Variants in SEMA3C observed in about 807,000 individuals in gnomAD.
The protein encoded by SEMA3C is semaphorin-3C.
Under a neutral mutation model 89.4 loss-of-function variants are expected in SEMA3C, and 47 were observed. That is an observed-to-expected ratio of 0.53 (90% CI 0.42 to 0.67). The LOEUF is 0.67. Ranked by LOEUF, SEMA3C falls within the 30% of genes least tolerant of loss-of-function variation. SEMA3C has a pLI of 0.00. For missense variants in SEMA3C, 839 were observed against 929.1 expected (o/e 0.90, Z 1.26); for synonymous variants, 310 against 320.2 (o/e 0.97, Z 0.34).
intron 2 of SEMA3C, among the ~76,000 whole-genome samples, chr7:80,878,214 C>A (rs1791246116): frequency 1.3e-5 from 2 of 152,058 alleles, no homozygotes; most frequent in African/African-American, 4.8e-5. Context: ...CCCATCTCTA[C>A]TAAAAATACA....
At chr7:80,859,928 T>A (rs541505517) in intron 2 of SEMA3C, among the ~76,000 whole-genome samples, 73 of 151,902 alleles carry the variant, frequency 4.8e-4, no homozygotes, top group African/African-American at 1.2e-3. Flanking sequence ...TTTTTTTTTT[T>A]AAAATAATCG....
chr7:80,803,730 G>A (rs1287255022), intron 8 of SEMA3C, among the ~76,000 whole-genome samples: 1 of 151,942 alleles, frequency 6.6e-6, no homozygotes, highest in Non-Finnish European at 1.5e-5. Flanking sequence ...ACAACAATCA[G>A]TTTCTTTAGG....
rs540213279 is a variant in SEMA3C, at chr7:80,772,697, TG to T, written c.1355-7455del. Among the ~76,000 whole-genome samples the T allele has an allele frequency of 7.6e-3, 1,144 of 151,082 alleles. 13 individuals are homozygous for T. Among genetic ancestry groups the T allele is most frequent in the African/African-American group, 0.026 (1,067 of 40,542 alleles). On this transcript the variant is annotated intron_variant, in intron 12 of 17. Transcript: ENST00000265361. The stretch of plus-strand genomic sequence containing the variant: ...GTACTGGGTTAAACTAGGTTAAACA[TG>T]TTTTTTTTTTTGTTTGTTTTATTTT...
intron 2 of SEMA3C, among the ~76,000 whole-genome samples, chr7:80,851,369 G>T (rs1258787108): frequency 6.6e-6 from 1 of 151,490 alleles, no homozygotes; most frequent in East Asian, 1.9e-4. Flanking sequence ...GCCAGGCGTG[G>T]GGCAGGCACC....
At chr7:80,866,727 T>TA (rs1299733064) in intron 2 of SEMA3C, among the ~76,000 whole-genome samples, 2 of 152,134 alleles carry the variant, frequency 1.3e-5, no homozygotes, top group East Asian at 3.8e-4. Flanking sequence ...ATAGTAATTT[T>TA]AAAAAAATCA....
At chr7:80,838,305 A>T (rs1326066808) in intron 2 of SEMA3C, among the ~76,000 whole-genome samples, 1 of 152,154 alleles carries the variant, frequency 6.6e-6, no homozygotes, top group Non-Finnish European at 1.5e-5. Flanking sequence ...AAAAAGAATG[A>T]GAATATTTTG....
chr7:80,813,625 T>TGCTTTGGATTTCATC (rs1789525241), intron 5 of SEMA3C, among the ~76,000 whole-genome samples: 1 of 152,244 alleles, frequency 6.6e-6, no homozygotes, highest in African/African-American at 2.4e-5. Flanking sequence ...TGGATTTCAT[T>TGCTTTGGATTTCATC]GCTTTGGATT....
chr7:80,894,870 CAAGT>C (rs754383570), intron 2 of SEMA3C, among the ~76,000 whole-genome samples: 19 of 152,114 alleles, frequency 1.2e-4, no homozygotes, highest in Non-Finnish European at 7.4e-5. Flanking sequence ...CATGGATGCA[CAAGT>C]AATAAGTATA....
intron 5 of SEMA3C, among the ~76,000 whole-genome samples, chr7:80,817,557 C>T (rs958930890): frequency 6.6e-6 from 1 of 152,020 alleles, no homozygotes; most frequent in African/African-American, 2.4e-5. Context: ...CAGCTGTGGA[C>T]TGGGATAACA....
intron 2 of SEMA3C, among the ~76,000 whole-genome samples, chr7:80,889,165 G>A (rs1487548656): frequency 6.6e-6 from 1 of 152,078 alleles, no homozygotes; most frequent in African/African-American, 2.4e-5. Context: ...GCTCGGCCAT[G>A]TTTTGAATTT....
chr7:80,825,619 T>C (rs12155128), intron 4 of SEMA3C, among the ~76,000 whole-genome samples: 9,388 of 152,214 alleles, frequency 0.062, 379 homozygotes, highest in Non-Finnish European at 0.098. Flanking sequence ...TTTTTGGAAA[T>C]AGAATGTACA....
intron 2 of SEMA3C, among the ~76,000 whole-genome samples, chr7:80,896,454 C>A (rs963528749): frequency 1.3e-5 from 2 of 152,106 alleles, no homozygotes; most frequent in African/African-American, 2.4e-5. Flanking sequence ...AAAGTTATAT[C>A]TCAGATTACC....
chr7:80,903,787 T>G (rs1382542355), intron 2 of SEMA3C, among the ~76,000 whole-genome samples: 1 of 151,836 alleles, frequency 6.6e-6, no homozygotes, highest in East Asian at 1.9e-4. Context: ...TTTAAAAGGC[T>G]AAAAAAAATG....
intron 11 of SEMA3C, among the ~76,000 whole-genome samples, chr7:80,797,143 A>T (rs1177503181): frequency 6.6e-6 from 1 of 152,156 alleles, no homozygotes; most frequent in Non-Finnish European, 1.5e-5. Context: ...TCCATTTTAT[A>T]ATTATAGCCC....
intron 11 of SEMA3C, among the ~76,000 whole-genome samples, chr7:80,789,871 T>C (rs572001048): frequency 3.8e-4 from 58 of 152,330 alleles, no homozygotes; most frequent in Middle Eastern, 3.4e-3. Context: ...CAAAAACTAG[T>C]GGACACAATC....
chr7:80,769,718 G>T (rs1788382936), intron 12 of SEMA3C, among the ~76,000 whole-genome samples: 1 of 151,904 alleles, frequency 6.6e-6, no homozygotes, highest in African/African-American at 2.4e-5. Context: ...AATTAGCTGG[G>T]CATGGGGGCA....
intron 2 of SEMA3C, among the ~76,000 whole-genome samples, chr7:80,848,087 G>T (rs1790431766): frequency 6.6e-6 from 1 of 152,140 alleles, no homozygotes; most frequent in African/African-American, 2.4e-5. Flanking sequence ...CTCAGAGTTA[G>T]TTACGCAATT....
rs769332201 is a variant in SEMA3C, at chr7:80,745,161, A to G, written c.1989T>C (p.Asp663=). Residue 663 remains aspartate, a synonymous_variant, in exon 18 of 18, where the codon GAT becomes GAC. Coordinates refer to ENST00000265361, the MANE Select transcript of SEMA3C (RefSeq NM_006379.5). ...CCGTCACAACAGCCACCATTTCTGA[A>G]TCTAAAACTTTGAAGTTGATCTTGG... is the stretch of plus-strand genomic sequence containing the variant. ...TIAKINFKVL[D]SEMVAVVTDK... is the part of the protein sequence containing the mutation. 2.2e-5 allele frequency: 35 copies of G among 1,613,888 alleles called. No individual in the cohort carries two copies. The highest frequency in any genetic ancestry group is 3.0e-5 in the Non-Finnish European group (35 of 1,179,980).
intron 11 of SEMA3C, among the ~76,000 whole-genome samples, chr7:80,791,295 T>C (rs766468344): frequency 6.6e-6 from 1 of 152,168 alleles, no homozygotes. Flanking sequence ...TGTTAAGTTA[T>C]ATGAGAAAAA....
Sources: gnomAD v4.1 joint callset for allele counts (sites outside exome capture counted in the v4.1 genomes callset) on GRCh38, gnomAD v4.1.1 for gene constraint, MANE v1.5 for transcripts, NCBI Gene and HGNC (gene_info 2026-07-23, HGNC 2026-07-21) for gene names.